Variants in CTNNA2 observed in about 807,000 individuals in gnomAD.
The protein encoded by CTNNA2 is catenin alpha 2.
CTNNA2 carries 42 observed loss-of-function variants against 101.0 expected under a neutral mutation model. That is an observed-to-expected ratio of 0.42 (90% CI 0.32 to 0.54). The LOEUF is 0.54. CTNNA2 is among the 20% of genes least tolerant of loss of function. The pLI is 0.14. For missense variants in CTNNA2, 871 were observed against 1,223.1 expected (o/e 0.71, Z 4.29); for synonymous variants, 450 against 456.4 (o/e 0.99, Z 0.18).
intron 4 of CTNNA2, among the ~76,000 whole-genome samples, chr2:79,472,487 C>CTTTCTA (rs1354591621): frequency 0.011 from 1,640 of 152,306 alleles, 32 homozygotes; most frequent in African/African-American, 0.036. Context: ...CTTTCTTTGT[C>CTTTCTA]TTGAAGAATA....
At chr2:79,841,050 TGAGCCACCGCGCCCTGCC>T (rs1204867476) in intron 3 of CTNNA2, among the ~76,000 whole-genome samples, 1 of 152,180 alleles carries the variant, frequency 6.6e-6, no homozygotes, top group African/African-American at 2.4e-5. Context: ...ATTACAGGCG[TGAGCCACCGCGCCCTGCC>T]GAGACTCCCT....
intron 9 of CTNNA2, among the ~76,000 whole-genome samples, chr2:80,520,025 G>A (rs1333848456): frequency 6.6e-6 from 1 of 152,064 alleles, no homozygotes; most frequent in African/African-American, 2.4e-5. Flanking sequence ...TTGCTTAGAA[G>A]CCTCTTTCCT....
chr2:79,330,927 T>A (rs10179514), intron 3 of CTNNA2, among the ~76,000 whole-genome samples: 55,012 of 152,036 alleles, frequency 0.36, 10,474 homozygotes, highest in African/African-American at 0.47. Context: ...GCTAAACAAT[T>A]ATGGAGCCAT....
chr2:80,001,949 A>G (rs971992088), intron 7 of CTNNA2, among the ~76,000 whole-genome samples: 3 of 152,220 alleles, frequency 2.0e-5, no homozygotes, highest in Non-Finnish European at 2.9e-5. Context: ...AGATTCTGCT[A>G]TATTAAATAA....
At chr2:80,437,526 T>C (rs1682149253) in intron 9 of CTNNA2, among the ~76,000 whole-genome samples, 1 of 152,220 alleles carries the variant, frequency 6.6e-6, no homozygotes, top group Non-Finnish European at 1.5e-5. Context: ...AGTGATCCTG[T>C]CAAAGGCAAT....
At chr2:79,490,683 CTT>C (rs1372891683) in intron 4 of CTNNA2, among the ~76,000 whole-genome samples, 1 of 152,124 alleles carries the variant, frequency 6.6e-6, no homozygotes, top group African/African-American at 2.4e-5. Context: ...GAGGCAAAGA[CTT>C]AGACTTCTCA....
chr2:80,397,821 G>A (rs1678163985), intron 8 of CTNNA2, among the ~76,000 whole-genome samples: 3 of 152,124 alleles, frequency 2.0e-5, no homozygotes, highest in Admixed American at 2.0e-4. Flanking sequence ...GTAGGGTCTT[G>A]TACTCATAAA....
At chr2:80,447,827 G>T (rs935485947) in intron 9 of CTNNA2, among the ~76,000 whole-genome samples, 21 of 152,220 alleles carry the variant, frequency 1.4e-4, no homozygotes, top group African/African-American at 5.1e-4. Flanking sequence ...AGGTGGGAGG[G>T]TGGAGGGCAT....
intron 18 of CTNNA2, among the ~76,000 whole-genome samples, chr2:80,621,563 C>CA (rs928042765): frequency 5.3e-5 from 8 of 151,912 alleles, no homozygotes; most frequent in Admixed American, 6.6e-5. Context: ...AAGACCGATT[C>CA]ATGTTTTAAC....
intron 2 of CTNNA2, among the ~76,000 whole-genome samples, chr2:79,691,981 A>C (rs932448801): frequency 1.3e-5 from 2 of 152,204 alleles, no homozygotes; most frequent in African/African-American, 2.4e-5. Context: ...TTCATGACTA[A>C]AGCACCAAAA....
chr2:79,702,765 A>G (rs1218278053), intron 2 of CTNNA2, among the ~76,000 whole-genome samples: 4 of 152,176 alleles, frequency 2.6e-5, no homozygotes, highest in Non-Finnish European at 4.4e-5. Flanking sequence ...CCCCTTTTAT[A>G]ATGTAGAACT....
Position 80,303,015 on chromosome 2 carries a change from C to G in CTNNA2, c.1057-90196C>G, listed in dbSNP as rs1435641036. 5.0e-5 allele frequency: 80 copies of G among 1,613,680 alleles called. No homozygotes were observed. The highest frequency in any genetic ancestry group is 6.4e-5 in the Non-Finnish European group (75 of 1,180,002). ...TCGAACACATGGGGCTCCATGTACT[C>G]GATCTCGTTGCCCGACAAGTCCATT... On this transcript the variant is annotated intron_variant, in intron 7 of 18. Coordinates refer to ENST00000402739, the MANE Select transcript of CTNNA2 (RefSeq NM_001282597.3). The surrounding 1 kb of genome is among the most constrained non-coding windows in gnomAD (Gnocchi z 7.7).
chr2:80,561,818 G>T (rs890540305), intron 12 of CTNNA2, among the ~76,000 whole-genome samples: 1 of 140,516 alleles, frequency 7.1e-6, no homozygotes, highest in East Asian at 2.2e-4. Flanking sequence ...TCGCCACCAC[G>T]CCTGGCTAAT....
chr2:79,356,894 CAT>C (rs1479932581), intron 3 of CTNNA2, among the ~76,000 whole-genome samples: 2 of 152,086 alleles, frequency 1.3e-5, no homozygotes, highest in Admixed American at 6.5e-5. Context: ...AAATATATCA[CAT>C]AGAGATTTAA....
At chr2:79,943,024 C>G (rs903317667) in intron 7 of CTNNA2, among the ~76,000 whole-genome samples, 1 of 152,094 alleles carries the variant, frequency 6.6e-6, no homozygotes, top group Non-Finnish European at 1.5e-5. Flanking sequence ...CAAGACCATT[C>G]TGGCCAATGT....
chr2:80,255,086 C>T (rs1272420811), intron 7 of CTNNA2, among the ~76,000 whole-genome samples: 2 of 152,118 alleles, frequency 1.3e-5, no homozygotes, highest in Non-Finnish European at 2.9e-5. Context: ...ATGTCTCTTC[C>T]ACATGTTACC....
chr2:79,194,290 G>T (rs373930932), intron 1 of CTNNA2, among the ~76,000 whole-genome samples: 1 of 152,198 alleles, frequency 6.6e-6, no homozygotes, highest in African/African-American at 2.4e-5. Context: ...TGAGTATACA[G>T]CAGGGTCTTT....
Position 80,303,643 on chromosome 2 carries a change from C to T in CTNNA2, c.1057-89568C>T, listed in dbSNP as rs775553279. 1 of 1,613,454 alleles carries T rather than the reference C, an allele frequency of 6.2e-7. No homozygotes were observed. The highest frequency in any genetic ancestry group is 2.2e-5 in the East Asian group (1 of 44,844). ...GCAGGCCGGACAGGTTGTGGGGCGC[C>T]TCGGTGAGGTTGAGCGCCTCGCAGT... On this transcript the variant is annotated intron_variant, in intron 7 of 18. Transcript: ENST00000402739. This position sits in a 1 kb window ranked among gnomAD's most constrained non-coding sequence, Gnocchi z 7.7.
intron 1 of CTNNA2, among the ~76,000 whole-genome samples, chr2:79,192,292 A>C (rs571360581): frequency 2.0e-4 from 31 of 152,252 alleles, no homozygotes; most frequent in African/African-American, 7.5e-4. Context: ...ATTTCACAAA[A>C]TGCTTTGTGC....
Sources: allele counts gnomAD v4.1 joint callset (sites outside exome capture counted in the v4.1 genomes callset), GRCh38; gene constraint gnomAD v4.1.1; non-coding constraint Gnocchi (gnomAD v3.1); transcripts MANE v1.5; gene names NCBI Gene and HGNC (gene_info 2026-07-23, HGNC 2026-07-21).